The following EFR3A variants were observed in gnomAD, a reference collection of about 807,000 sequenced individuals.
EFR3A encodes the protein EFR3 homolog A.
EFR3A carries 76 observed loss-of-function variants against 104.4 expected under a neutral mutation model. That is an observed-to-expected ratio of 0.73 (90% CI 0.60 to 0.88). The LOEUF (loss-of-function observed/expected upper bound fraction) is 0.88, where lower values mean the gene tolerates loss of function less well. Among genes scored for constraint, EFR3A ranks in the 40% least tolerant of loss-of-function variants. The pLI, the probability that EFR3A is intolerant of heterozygous loss-of-function variation, is 0.00. For missense variants in EFR3A, 985 were observed against 1,012.5 expected (o/e 0.97, Z 0.37); for synonymous variants, 330 against 330.0 (o/e 1.00, Z 0.00).
intron 7 of EFR3A, among the ~76,000 whole-genome samples, chr8:131,956,358 G>A (rs964825396): frequency 6.6e-6 from 1 of 152,082 alleles, no homozygotes; most frequent in Non-Finnish European, 1.5e-5. Context: ...TTTACATAGT[G>A]ATTAATCAGA....
chr8:132,011,182 T>C lies in EFR3A; in HGVS notation c.*287T>C. On this transcript the variant is annotated 3_prime_UTR_variant, in exon 23 of 23. Transcript: ENST00000254624. ...TTTATTCCACTGTTAAGTAGTATGT[T>C]TTAAACTTTTCACAAATGTAATGTT... 1 of 1,057,828 alleles carries C rather than the reference T, an allele frequency of 9.5e-7. No homozygotes were observed. Among genetic ancestry groups the C allele is most frequent in the South Asian group, 4.3e-5 (1 of 23,482 alleles). 65.5% of individuals were successfully genotyped at this position (1,057,828 alleles called of 1,614,324 possible).
intron 1 of EFR3A, among the ~76,000 whole-genome samples, chr8:131,930,029 A>G (rs1817507253): frequency 6.6e-6 from 1 of 152,148 alleles, no homozygotes; most frequent in Non-Finnish European, 1.5e-5. Context: ...AGGAAGGCAC[A>G]TTGATTCAAA....
chr8:131,976,895 G>T (rs1037242589), intron 11 of EFR3A, 146 bp from the exon 12 acceptor site: 6 of 495,712 alleles, frequency 1.2e-5, no homozygotes, highest in African/African-American at 6.0e-5. Context: ...TTTTACTTTG[G>T]CATGTGAAGT....
chr8:131,938,290 G>A lies in EFR3A; in HGVS notation c.11-2209G>A, dbSNP rs189892725. 576 of 397,628 alleles carry A rather than the reference G, an allele frequency of 1.4e-3. 11 individuals are homozygous for A. In the East Asian group the frequency reaches 0.02, roughly 14 times the overall value. The allele number at this position is 397,628 out of a possible 1,614,324, so 24.6% of individuals were successfully genotyped here. ...AGCCTTATGAATTTACTTCAACAAG[G>A]GAGTCACCTACATTTCTATACTTGA... On this transcript the variant is annotated intron_variant, in intron 1 of 22. Coordinates refer to ENST00000254624, the MANE Select transcript of EFR3A (RefSeq NM_015137.6).
intron 8 of EFR3A, 129 bp from the exon 9 acceptor site, chr8:131,968,166 T>C: frequency 1.3e-6 from 1 of 759,016 alleles, no homozygotes; most frequent in South Asian, 2.4e-5. Flanking sequence ...TGTGGCTATT[T>C]ATTGTCTCAT....
intron 1 of EFR3A, among the ~76,000 whole-genome samples, chr8:131,909,338 G>A (rs1024722965): frequency 3.9e-5 from 6 of 152,082 alleles, no homozygotes; most frequent in African/African-American, 1.4e-4. Flanking sequence ...ATCGCTTTTG[G>A]CTGAGAGTTC....
intron 19 of EFR3A, among the ~76,000 whole-genome samples, chr8:132,001,461 A>G (rs1821777193): frequency 6.6e-6 from 1 of 152,168 alleles, no homozygotes; most frequent in Non-Finnish European, 1.5e-5. Context: ...ACATCACAGT[A>G]CTGGGACTGA....
rs145125313 is a variant in EFR3A at position 131,941,777 on chromosome 8, A to G, written c.87+1202A>G. On this transcript the variant is annotated intron_variant, in intron 2 of 22. Coordinates refer to ENST00000254624, the MANE Select transcript of EFR3A (RefSeq NM_015137.6). ...AGATTTGCTGAGCTTTGAAGTATGT[A>G]TACCATCTGGAGAGGTAGACAAGAT... is the stretch of plus-strand genomic sequence containing the variant. Among the ~76,000 whole-genome samples, 1,031 of 152,236 alleles carry G rather than the reference A, an allele frequency of 6.8e-3. 11 individuals carry two copies. The highest frequency in any genetic ancestry group is 0.023 in the African/African-American group (955 of 41,562).
chr8:131,935,525 A>G, intron 1 of EFR3A: 1 of 446,500 alleles, frequency 2.2e-6, no homozygotes, highest in Non-Finnish European at 4.5e-6. Context: ...CTAGTGAGCC[A>G]TACATATGTC....
chr8:131,995,782 C>G (rs950716005), intron 18 of EFR3A, among the ~76,000 whole-genome samples: 1 of 152,172 alleles, frequency 6.6e-6, no homozygotes, highest in African/African-American at 2.4e-5. Context: ...TTAGCTAGAG[C>G]ACTCAGGTAA....
intron 18 of EFR3A, among the ~76,000 whole-genome samples, chr8:131,993,108 A>AC (rs1322689495): frequency 6.6e-6 from 1 of 152,184 alleles, no homozygotes; most frequent in Non-Finnish European, 1.5e-5. Flanking sequence ...ATGCTGCTGA[A>AC]CATCTTATAA....
rs747146409 is a variant in EFR3A, at chr8:131,987,656, A to G, written c.2019A>G (p.Gly673=). Residue 673 remains glycine, a synonymous_variant, in exon 18 of 23, where the codon GGA becomes GGG. Transcript: ENST00000254624. Reference sequence around the variant, plus strand: ...TTGCAGAGTCGCTAGGTGGAAGTGGATATAGTGTTGAGAGATTGTCAGTTC... The same window carrying G: ...TTGCAGAGTCGCTAGGTGGAAGTGGGTATAGTGTTGAGAGATTGTCAGTTC... ...NKIAESLGGS[G]YSVERLSVPY... 5.0e-6 allele frequency: 8 copies of G among 1,596,890 alleles called. No individual in the cohort carries two copies. Among genetic ancestry groups the G allele is most frequent in the Non-Finnish European group, 6.8e-6 (8 of 1,170,710 alleles).
intron 1 of EFR3A, among the ~76,000 whole-genome samples, chr8:131,906,004 A>G (rs1330069276): frequency 2.0e-5 from 3 of 152,240 alleles, no homozygotes; most frequent in African/African-American, 4.8e-5. Flanking sequence ...TTAAGAATGC[A>G]GATTTCACAC....
At chr8:132,010,417 T>G (rs1449809016) in intron 22 of EFR3A, among the ~76,000 whole-genome samples, 13 of 79,646 alleles carry the variant, frequency 1.6e-4, no homozygotes, top group East Asian at 3.3e-4. Context: ...GATATATATA[T>G]ATATATATAT....
chr8:131,913,937 G>A (rs1816636687), intron 1 of EFR3A, among the ~76,000 whole-genome samples: 1 of 152,172 alleles, frequency 6.6e-6, no homozygotes, highest in South Asian at 2.1e-4. Flanking sequence ...TATTAACTTA[G>A]TTAAAAATAA....
At chr8:131,943,860 G>T (rs951479451) in intron 2 of EFR3A, among the ~76,000 whole-genome samples, 13 of 151,934 alleles carry the variant, frequency 8.6e-5, no homozygotes, top group Admixed American at 5.3e-4. Flanking sequence ...ACCTTCTCTG[G>T]GAAAGAGAAG....
chr8:131,930,841 C>A (rs1177583661), intron 1 of EFR3A, among the ~76,000 whole-genome samples: 1 of 152,030 alleles, frequency 6.6e-6, no homozygotes, highest in Non-Finnish European at 1.5e-5. Context: ...TCTCCTGGTT[C>A]TTTATAGTGC....
In EFR3A at chr8:132,001,810, G is replaced by A. The variant is rs1286989053; in HGVS notation, c.2206+3G>A. The stretch of plus-strand genomic sequence containing the variant: ...TGAAGCATTGAAGAAAGCAATTGGT[G>A]AGATATTTTGCACTTGTTAGTACTA... On this transcript the variant is annotated splice_donor_region_variant and intron_variant, in intron 20 of 22. Transcript: ENST00000254624. 1.2e-6 allele frequency: 2 copies of A among 1,612,606 alleles called. No homozygotes were observed. The highest frequency in any genetic ancestry group is 8.5e-7 in the Non-Finnish European group (1 of 1,178,850).
rs1563665049 is a variant in EFR3A at position 131,959,602 on chromosome 8, A to G, written c.794A>G (p.Lys265Arg). ...RPVFAHLDHH[K>R]LWDPNEFAVH... ...ATTTGCAGGCATTTAGATCATCACAAACTGTGGGATCCCAATGAATTTGCA... is the reference window on the plus strand; with the variant it reads ...ATTTGCAGGCATTTAGATCATCACAGACTGTGGGATCCCAATGAATTTGCA... Residue 265 changes from lysine (K) to arginine (R), a missense_variant, in exon 8 of 23, where the codon AAA becomes AGA. Transcript: ENST00000254624. 1 of 1,612,068 alleles carries G rather than the reference A, an allele frequency of 6.2e-7. No individual in the cohort carries two copies. The highest frequency in any genetic ancestry group is 1.7e-5 in the Admixed American group (1 of 59,746).
Sources: gnomAD v4.1 joint callset for allele counts (sites outside exome capture counted in the v4.1 genomes callset) on GRCh38, gnomAD v4.1.1 for gene constraint, MANE v1.5 for transcripts, NCBI Gene and HGNC (gene_info 2026-07-23, HGNC 2026-07-21) for gene names.